The following DOK7 variants were observed in gnomAD, a reference collection of about 807,000 sequenced individuals.
DOK7 encodes docking protein 7, also known as protein Dok-7.
In DOK7, 32 loss-of-function variants were observed where a neutral mutation model predicts 30.7. The ratio of observed to expected loss-of-function variants is 1.04; its 90% CI spans 0.79 to 1.40. DOK7 has a LOEUF of 1.40. Ranked by LOEUF, DOK7 falls within the 40% of genes most tolerant of loss-of-function variation. DOK7 has a pLI of 0.00. For missense variants in DOK7, 1,007 were observed against 699.2 expected (o/e 1.44, Z -4.97); for synonymous variants, 447 against 324.1 (o/e 1.38, Z -4.07).
chr4:3,463,456 G>A lies in DOK7; in HGVS notation c.54+27G>A, dbSNP rs774468059. 2.2e-4 allele frequency: 315 copies of A among 1,421,670 alleles called. 4 individuals carry two copies. The highest frequency in any genetic ancestry group is 1.6e-3 in the Admixed American group (57 of 34,582). The allele number at this position is 1,421,670 out of a possible 1,614,324, so 88.1% of individuals were successfully genotyped here. A position where few individuals can be genotyped will look rare whatever the true frequency, so the allele number is the denominator to read the frequency against. On this transcript the variant is annotated intron_variant, in intron 1 of 6. Transcript: ENST00000340083. ...TCGGGGCGCGTCGGGGGCGCGGGGG[G>A]GGGGGGCGCGGGCGCGGGCGGCGGC...
At chr4:3,486,644 C>T (rs1212825761) in intron 5 of DOK7, among the ~76,000 whole-genome samples, 1 of 152,162 alleles carries the variant, frequency 6.6e-6, no homozygotes, top group Non-Finnish European at 1.5e-5. Context: ...GCTGCCCTGC[C>T]ATGCTGGATG....
rs540508171 is a variant in DOK7, at chr4:3,469,846, T to TA, written c.101-3560_101-3559insA. 2.0e-4 allele frequency among the ~76,000 whole-genome samples: 30 copies of TA among 152,254 alleles called. 1 individual carries two copies. The highest frequency in any genetic ancestry group is 7.0e-4 in the African/African-American group (29 of 41,562). ...TGTTGGTGATGAGGAGAGGGCGGCC[T>TA]GAGCGTGAGGGGGTGGGCGTCAGCT... is the stretch of plus-strand genomic sequence containing the variant. On this transcript the variant is annotated intron_variant, in intron 2 of 6. Transcript: ENST00000340083.
Position 3,493,088 on chromosome 4 carries a change from G to A in DOK7, c.1102G>A (p.Glu368Lys), listed in dbSNP as rs982813103. The part of the protein sequence containing the change: ...SSLDVWRATD[E>K]LGSLLSLPAA... ...CCTGGACGTGTGGCGGGCCACAGAT[G>A]AACTGGGCTCACTGCTCAGCCTGCC... Residue 368 changes from glutamate (E) to lysine (K), a missense_variant, in exon 7 of 7, where the codon GAA becomes AAA. Glu to Lys is a moderately conservative substitution (Grantham distance 56). Coordinates refer to ENST00000340083, the MANE Select transcript of DOK7 (RefSeq NM_173660.5). 6.3e-7 allele frequency: 1 copy of A among 1,578,618 alleles called. No individual in the cohort carries two copies. The highest frequency in any genetic ancestry group is 8.6e-7 in the Non-Finnish European group (1 of 1,166,548).
rs1728349936 is a variant in DOK7 at position 3,490,986 on chromosome 4, CTCATTCATTCCTTCCTTCTTCTTCCT to C, written c.772+1191_772+1216del. On this transcript the variant is annotated intron_variant, in intron 6 of 6. Transcript: ENST00000340083. The stretch of plus-strand genomic sequence containing the variant: ...TGCTCATTTCTTCATTTCCCTCCTG[CTCATTCATTCCTTCCTTCTTCTTCCT>C]GCTCATTCATTCCTTCCTTCCCCCC... Among the ~76,000 whole-genome samples the C allele has an allele frequency of 3.0e-5, 3 of 99,522 alleles. No homozygotes were observed. In the South Asian group the frequency reaches 1.3e-3, roughly 44 times the overall value. The allele number at this position is 99,522 out of a possible 152,430, so 65.3% of individuals were successfully genotyped here. A position where few individuals can be genotyped will look rare whatever the true frequency, so the allele number is the denominator to read the frequency against.
At chr4:3,496,170 C>T (rs564008860), downstream of DOK7, among the ~76,000 whole-genome samples, 8 of 152,370 alleles carry the variant, frequency 5.3e-5, no homozygotes, top group East Asian at 1.9e-4. Flanking sequence ...CTGTCCCTCC[C>T]GCAAGCGCCC....
intron 6 of DOK7, among the ~76,000 whole-genome samples, chr4:3,490,659 C>T (rs1311732053): frequency 8.2e-6 from 1 of 122,472 alleles, no homozygotes; most frequent in Non-Finnish European, 1.7e-5. Flanking sequence ...CCCTCCTGCT[C>T]ATTCATTCCT....
chr4:3,484,439 G>A (rs1453457826), intron 4 of DOK7: 3 of 970,746 alleles, frequency 3.1e-6, no homozygotes, highest in Non-Finnish European at 3.7e-6. Context: ...CTTCCCTCCT[G>A]CGTACCTTTC....
In DOK7 at chr4:3,500,525, C is replaced by G. The variant is rs151115881; in HGVS notation, c.1261+122C>G. ...AGGGAGCTTTTCCTACAGCCTCCCC[C>G]CAGGAGGCAAATGTCCCCAACTCCA... On this transcript the variant is annotated intron_variant, in intron 7 of 7. Coordinates refer to the DOK7 transcript ENST00000643608. The G allele has an allele frequency of 2.1e-4, 311 of 1,468,362 alleles. No homozygotes were observed. The African/African-American group carries it at 4.0e-3, about 19-fold the overall frequency. The allele number at this position is 1,468,362 out of a possible 1,614,324, so 91.0% of individuals were successfully genotyped here. A position where few individuals can be genotyped will look rare whatever the true frequency, so the allele number is the denominator to read the frequency against.
At chr4:3,468,234 G>C (rs1244354673) in intron 2 of DOK7, among the ~76,000 whole-genome samples, 1 of 151,964 alleles carries the variant, frequency 6.6e-6, no homozygotes, top group Non-Finnish European at 1.5e-5. Flanking sequence ...ACCTGTGTGG[G>C]GGTGTATGTG....
At chr4:3,472,872 AC>A (rs1484715728) in intron 2 of DOK7, among the ~76,000 whole-genome samples, 2 of 149,578 alleles carry the variant, frequency 1.3e-5, no homozygotes, top group African/African-American at 5.0e-5. Context: ...GACCTCCCCT[AC>A]CCCCTGGGGC....
chr4:3,500,885 G>A lies in DOK7; in HGVS notation c.*60G>A, dbSNP rs965840572. 38 of 1,471,390 alleles carry A rather than the reference G, an allele frequency of 2.6e-5. No individual in the cohort carries two copies. In the African/African-American group the frequency reaches 5.1e-4, roughly 20 times the overall value. 91.1% of individuals were successfully genotyped at this position (1,471,390 alleles called of 1,614,324 possible). A position where few individuals can be genotyped will look rare whatever the true frequency, so the allele number is the denominator to read the frequency against. ...GCGCTGTGCGGCCCCGTGGCCCCCG[G>A]CAGGCCAGCCCCTTCTGTTGGGCGT... On this transcript the variant is annotated 3_prime_UTR_variant, in exon 8 of 8. Coordinates refer to the DOK7 transcript ENST00000643608.
chr4:3,482,893 G>C (rs547445784), intron 4 of DOK7, among the ~76,000 whole-genome samples: 1 of 152,188 alleles, frequency 6.6e-6, no homozygotes, highest in Admixed American at 6.5e-5. Context: ...CCTGGCAGCC[G>C]GGACGGCAGC....
rs1362595549 is a variant in DOK7, at chr4:3,468,660, GTGTGTGCC to G, written c.101-4738_101-4731del. On this transcript the variant is annotated intron_variant, in intron 2 of 6. Transcript: ENST00000340083. ...TGCCTGTGTGTGTGCATGTATGAGT[GTGTGTGCC>G]TGTGTGCATGCCTGTGTGTGCATGT... is the stretch of plus-strand genomic sequence containing the variant. 2.6e-4 allele frequency among the ~76,000 whole-genome samples: 37 copies of G among 144,634 alleles called. No homozygotes were observed. The South Asian group carries it at 3.9e-3, about 15-fold the overall frequency. The allele number at this position is 144,634 out of a possible 152,430, so 94.9% of individuals were successfully genotyped here. A position where few individuals can be genotyped will look rare whatever the true frequency, so the allele number is the denominator to read the frequency against.
downstream of DOK7, among the ~76,000 whole-genome samples, chr4:3,499,375 C>T (rs143718786): frequency 2.0e-5 from 3 of 152,312 alleles, no homozygotes; most frequent in Admixed American, 1.3e-4. Context: ...CCCTGCCTCA[C>T]GTGGCTGTGC....
rs756756353 is a variant in DOK7 at position 3,500,676 on chromosome 4, T to C, written c.1262-16T>C. The C allele has an allele frequency of 2.5e-5, 38 of 1,535,554 alleles. No homozygotes were observed. The South Asian group carries it at 4.5e-4, about 18-fold the overall frequency. ...GCTCGGGGCGCAGGCTGCCGCTCAC[T>C]ACAGAATTCTTTCAGGGGCTGGCGC... is the stretch of plus-strand genomic sequence containing the variant. On this transcript the variant is annotated splice_polypyrimidine_tract_variant and intron_variant, in intron 7 of 7. Transcript: ENST00000643608.
At chr4:3,491,404 CA>C (rs1728426154) in intron 6 of DOK7, among the ~76,000 whole-genome samples, 1 of 53,462 alleles carries the variant, frequency 1.9e-5, no homozygotes, top group African/African-American at 5.3e-5. Flanking sequence ...CTGCTCACCC[CA>C]GCTTCCTTCT....
At chr4:3,474,925 CA>C (rs1302450257) in intron 3 of DOK7, among the ~76,000 whole-genome samples, 4 of 152,052 alleles carry the variant, frequency 2.6e-5, no homozygotes, top group Admixed American at 6.5e-5. Flanking sequence ...AAAACAAACA[CA>C]AAAAAACTTG....
chr4:3,477,093 G>A (rs926570472), intron 4 of DOK7, among the ~76,000 whole-genome samples: 2 of 152,276 alleles, frequency 1.3e-5, no homozygotes, highest in Non-Finnish European at 2.9e-5. Context: ...AGGGGAGTGA[G>A]GGAAATCGGA....
At chr4:3,484,611 G>C in intron 4 of DOK7, 1 of 985,516 alleles carries the variant, frequency 1.0e-6, no homozygotes, top group South Asian at 4.7e-5. Flanking sequence ...ACTCGCAGCT[G>C]GGGCTTCTCC....
Sources: allele counts gnomAD v4.1 joint callset (sites outside exome capture counted in the v4.1 genomes callset), GRCh38; gene constraint gnomAD v4.1.1; transcripts MANE v1.5; gene names NCBI Gene and HGNC (gene_info 2026-07-23, HGNC 2026-07-21).